Variants in SDC2 observed in about 807,000 individuals in gnomAD.
SDC2 encodes the protein syndecan-2.
In SDC2, 13 loss-of-function variants were observed where a neutral mutation model predicts 22.2. The observed-to-expected ratio is 0.59, with a 90% CI of 0.38 to 0.93. The LOEUF is 0.93. SDC2 is among the 40% of genes least tolerant of loss of function. SDC2 has a pLI of 0.00. For synonymous variants in SDC2, 94 were observed against 92.8 expected (o/e 1.01, Z -0.07); for missense variants, 235 against 246.8 (o/e 0.95, Z 0.32).
At chr8:96,494,867 A>G (rs907633462) in intron 1 of SDC2, among the ~76,000 whole-genome samples, 1 of 152,138 alleles carries the variant, frequency 6.6e-6, no homozygotes, top group African/African-American at 2.4e-5. Flanking sequence ...TCCAGAGAGA[A>G]AAGTTTGCAA....
At chr8:96,552,827 C>T (rs1814048808) in intron 1 of SDC2, among the ~76,000 whole-genome samples, 1 of 152,102 alleles carries the variant, frequency 6.6e-6, no homozygotes, top group African/African-American at 2.4e-5. Flanking sequence ...TTCCCCTCCC[C>T]CAGGTTAGGA....
At chr8:96,569,433 TTAGCAGAGTATC>T (rs1814354762) in intron 1 of SDC2, among the ~76,000 whole-genome samples, 1 of 152,192 alleles carries the variant, frequency 6.6e-6, no homozygotes, top group South Asian at 2.1e-4. Context: ...TACACCACAC[TTAGCAGAGTATC>T]TACCTCCTGG....
At chr8:96,599,964 G>C (rs947165716) in intron 2 of SDC2, among the ~76,000 whole-genome samples, 7 of 152,066 alleles carry the variant, frequency 4.6e-5, no homozygotes, top group African/African-American at 1.7e-4. Context: ...ACATAGTTGA[G>C]ACCCCGTCTC....
At chr8:96,548,514 A>T (rs1032138573) in intron 1 of SDC2, among the ~76,000 whole-genome samples, 9 of 152,238 alleles carry the variant, frequency 5.9e-5, no homozygotes, top group African/African-American at 2.2e-4. Context: ...AGAGTCACAG[A>T]TGCTTTTTGC....
Position 96,609,495 on chromosome 8 carries a change from A to C in SDC2, c.553A>C (p.Lys185Gln). The C allele has an allele frequency of 6.2e-7, 1 of 1,613,064 alleles. No individual in the cohort carries two copies. The highest frequency in any genetic ancestry group is 8.5e-7 in the Non-Finnish European group (1 of 1,179,430). ...DEGSYDLGER[K>Q]PSSAAYQKAP... is the part of the protein sequence containing the mutation. ...AGGAAGCTATGACCTTGGAGAACGC[A>C]AACCATCCAGTGCTGCTTATCAGAA... Residue 185 changes from lysine to glutamine, a missense_variant, in exon 5 of 5, where the codon AAA (lysine) becomes CAA (glutamine). Coordinates refer to ENST00000302190, the MANE Select transcript of SDC2 (RefSeq NM_002998.4).
chr8:96,499,547 T>TCTGG (rs1412443734), intron 1 of SDC2, among the ~76,000 whole-genome samples: 1 of 152,172 alleles, frequency 6.6e-6, no homozygotes, highest in African/African-American at 2.4e-5. Context: ...GGTGGACAAG[T>TCTGG]CTGGGTTCAG....
At chr8:96,510,804 A>G (rs1813315295) in intron 1 of SDC2, among the ~76,000 whole-genome samples, 1 of 152,240 alleles carries the variant, frequency 6.6e-6, no homozygotes, top group Non-Finnish European at 1.5e-5. Context: ...TGATGGGGTT[A>G]AAGTGTCTTT....
chr8:96,526,443 T>C (rs1469064393), intron 1 of SDC2, among the ~76,000 whole-genome samples: 1 of 152,190 alleles, frequency 6.6e-6, no homozygotes, highest in Non-Finnish European at 1.5e-5. Flanking sequence ...CCAAATATTT[T>C]ATAGTTACAG....
intron 2 of SDC2, among the ~76,000 whole-genome samples, chr8:96,597,521 A>G (rs777469685): frequency 1.3e-5 from 2 of 152,224 alleles, no homozygotes; most frequent in African/African-American, 2.4e-5. Context: ...GATATTTAGG[A>G]AAAACTTGTA....
intron 1 of SDC2, among the ~76,000 whole-genome samples, chr8:96,574,723 G>GA (rs1350288447): frequency 3.4e-4 from 52 of 152,238 alleles, no homozygotes; most frequent in African/African-American, 1.2e-3. Context: ...GTTGTTCTGT[G>GA]AAAAAGACAT....
intron 1 of SDC2, among the ~76,000 whole-genome samples, chr8:96,537,132 C>G (rs1047726643): frequency 6.6e-6 from 1 of 152,076 alleles, no homozygotes; most frequent in African/African-American, 2.4e-5. Context: ...TAATGAAAAA[C>G]AGTAGAGCTC....
At chr8:96,540,184 C>T (rs1393770509) in intron 1 of SDC2, among the ~76,000 whole-genome samples, 2 of 151,442 alleles carry the variant, frequency 1.3e-5, no homozygotes, top group Non-Finnish European at 2.9e-5. Flanking sequence ...CCCCCCGCCC[C>T]GCCAGCTACA....
intron 3 of SDC2, among the ~76,000 whole-genome samples, chr8:96,607,751 C>G (rs2514786): frequency 0.91 from 138,054 of 152,086 alleles, 63,265 homozygotes; most frequent in Non-Finnish European, 0.98. Flanking sequence ...ATGATGTGAT[C>G]AGGGAGGAGC....
At chr8:96,598,326 A>T (rs899503426) in intron 2 of SDC2, among the ~76,000 whole-genome samples, 31 of 152,204 alleles carry the variant, frequency 2.0e-4, no homozygotes, top group African/African-American at 6.8e-4. Context: ...TGTTATTTTT[A>T]AAAAAGAAAA....
In SDC2 at chr8:96,494,321, C is replaced by A; in HGVS notation, c.50C>A (p.Ser17Ter). 1 of 1,543,162 alleles carries A rather than the reference C, an allele frequency of 6.5e-7. No individual in the cohort carries two copies. Among genetic ancestry groups the A allele is most frequent in the Non-Finnish European group, 8.7e-7 (1 of 1,148,640 alleles). ...ACCTTGGGCTTGGTGGCCTGCGTGT[C>A]GGCGGAGTCGGTGAGTGGGCCAGGC... ...LLTLGLVACV[S>*]AESRAELTSD... Residue 17 changes from serine to a stop codon, truncating the protein, a stop_gained, in exon 1 of 5, where the codon TCG (serine) becomes TAG (stop). Transcript: ENST00000302190. LOFTEE classifies it high-confidence loss of function.
At chr8:96,558,140 T>C (rs1295953784) in intron 1 of SDC2, among the ~76,000 whole-genome samples, 1 of 152,128 alleles carries the variant, frequency 6.6e-6, no homozygotes, top group Non-Finnish European at 1.5e-5. Context: ...TAGAGCTGTG[T>C]GTCATTTAGA....
At chr8:96,595,144 T>G (rs1282741493) in intron 2 of SDC2, among the ~76,000 whole-genome samples, 1 of 152,196 alleles carries the variant, frequency 6.6e-6, no homozygotes, top group Non-Finnish European at 1.5e-5. Context: ...ATCCAGACCT[T>G]TTTTGCTTTA....
intron 1 of SDC2, among the ~76,000 whole-genome samples, chr8:96,533,191 A>G (rs1813694858): frequency 6.6e-6 from 1 of 152,106 alleles, no homozygotes; most frequent in Admixed American, 6.5e-5. Flanking sequence ...AGCAAGATTT[A>G]CTGCAAAGAG....
chr8:96,577,129 A>AGAAT (rs1814518648), intron 1 of SDC2, among the ~76,000 whole-genome samples: 1 of 152,222 alleles, frequency 6.6e-6, no homozygotes, highest in Admixed American at 6.5e-5. Flanking sequence ...AGTGTAGGCA[A>AGAAT]GAATGAATGA....
Sources: allele counts gnomAD v4.1 joint callset (sites outside exome capture counted in the v4.1 genomes callset), GRCh38; gene constraint gnomAD v4.1.1; transcripts MANE v1.5; gene names NCBI Gene and HGNC (gene_info 2026-07-23, HGNC 2026-07-21).